Variants in NALCN observed in about 807,000 individuals in gnomAD.
NALCN encodes sodium leak channel, non-selective, also known as sodium leak channel NALCN.
A neutral mutation model predicts 225.3 loss-of-function variants in NALCN; 111 were observed. The ratio of observed to expected loss-of-function variants is 0.49; its 90% CI spans 0.42 to 0.58. The LOEUF is 0.58. NALCN is among the 20% of genes least tolerant of loss of function. The pLI, the probability that NALCN is intolerant of heterozygous loss-of-function variation, is 0.00. For missense variants in NALCN, 1,378 were observed against 2,202.4 expected (o/e 0.63, Z 7.49); for synonymous variants, 764 against 769.0 (o/e 0.99, Z 0.11).
intron 11 of NALCN, among the ~76,000 whole-genome samples, chr13:101,245,354 G>T (rs2041862958): frequency 1.3e-5 from 2 of 152,162 alleles, no homozygotes; most frequent in East Asian, 1.9e-4. Flanking sequence ...GAAAAGAAGA[G>T]AAATATTTAT....
At chr13:101,248,678 G>C (rs1240853841) in intron 11 of NALCN, among the ~76,000 whole-genome samples, 1 of 152,196 alleles carries the variant, frequency 6.6e-6, no homozygotes, top group Non-Finnish European at 1.5e-5. Flanking sequence ...CTGAGAGGGT[G>C]ATATGTCCTC....
chr13:101,242,135 A>G (rs72632686), intron 11 of NALCN, among the ~76,000 whole-genome samples: 2,484 of 106,192 alleles, frequency 0.023, 820 homozygotes, highest in East Asian at 0.15. Context: ...GCTTCCTATA[A>G]GCAGTGTACA....
At chr13:101,254,404 CA>C (rs2042155878) in intron 11 of NALCN, among the ~76,000 whole-genome samples, 1 of 117,848 alleles carries the variant, frequency 8.5e-6, no homozygotes, top group Non-Finnish European at 1.8e-5. Context: ...GAGACAAAAA[CA>C]ACAACAAAAA....
chr13:101,409,701 A>G (rs1447675752), intron 1 of NALCN, among the ~76,000 whole-genome samples: 1 of 152,210 alleles, frequency 6.6e-6, no homozygotes, highest in African/African-American at 2.4e-5. Flanking sequence ...TTGCTACTAT[A>G]TTTAAACATA....
chr13:101,250,684 G>C (rs559680942), intron 11 of NALCN, among the ~76,000 whole-genome samples: 1 of 151,944 alleles, frequency 6.6e-6, no homozygotes, highest in African/African-American at 2.4e-5. Flanking sequence ...GTATAGATAA[G>C]ACACAAAAAG....
intron 6 of NALCN, among the ~76,000 whole-genome samples, chr13:101,362,106 G>C (rs745722076): frequency 6.6e-6 from 1 of 151,866 alleles, no homozygotes; most frequent in Non-Finnish European, 1.5e-5. Flanking sequence ...GAGATATATA[G>C]ATAGTACTAA....
intron 7 of NALCN, among the ~76,000 whole-genome samples, chr13:101,320,812 T>A (rs1184392257): frequency 2.0e-5 from 3 of 152,168 alleles, no homozygotes; most frequent in African/African-American, 7.2e-5. Context: ...GGGATAGCTA[T>A]AAAATCTGCT....
At chr13:101,410,784 G>A (rs567305576) in intron 1 of NALCN, among the ~76,000 whole-genome samples, 9 of 152,206 alleles carry the variant, frequency 5.9e-5, no homozygotes, top group Non-Finnish European at 1.0e-4. Flanking sequence ...AGATAAAGCC[G>A]TAACAATTTC....
At chr13:101,304,293 G>T (rs1182410897) in intron 7 of NALCN, among the ~76,000 whole-genome samples, 1 of 151,654 alleles carries the variant, frequency 6.6e-6, no homozygotes, top group Non-Finnish European at 1.5e-5. Context: ...TAAGTTCTGG[G>T]ATACATGTGC....
intron 15 of NALCN, among the ~76,000 whole-genome samples, chr13:101,148,751 G>A (rs939063951): frequency 2.0e-5 from 3 of 152,180 alleles, no homozygotes; most frequent in Non-Finnish European, 4.4e-5. Flanking sequence ...TGATCAGGTG[G>A]CGGAACTCAA....
intron 7 of NALCN, among the ~76,000 whole-genome samples, chr13:101,323,087 A>G (rs988342023): frequency 7.2e-5 from 11 of 152,178 alleles, no homozygotes; most frequent in African/African-American, 2.7e-4. Flanking sequence ...AATCACTTCA[A>G]CAAAATAACA....
chr13:101,091,601 C>T, intron 28 of NALCN, among the ~76,000 whole-genome samples: 1 of 152,098 alleles, frequency 6.6e-6, no homozygotes, highest in East Asian at 1.9e-4. Flanking sequence ...CAAATATATT[C>T]TTTTGGATGC....
rs373221131 is a variant in NALCN at position 101,055,386 on chromosome 13, G to A, written c.5126C>T (p.Ala1709Val). Residue 1709 changes from alanine (A) to valine (V), a missense_variant, in exon 44 of 44, where the codon GCG becomes GTG. Ala to Val is a moderately conservative substitution (Grantham distance 64). Transcript: ENST00000251127. ...VVCKMNPMTD[A>V]ASCGSEVKKW... ...CTTAACTTCAGAACCGCAGGAAGCCGCGTCAGTCATGGGGTTCATTTTGCA... is the reference window on the plus strand; with the variant it reads ...CTTAACTTCAGAACCGCAGGAAGCCACGTCAGTCATGGGGTTCATTTTGCA... 12 of 1,614,000 alleles carry A rather than the reference G, an allele frequency of 7.4e-6. No individual in the cohort carries two copies. In the African/African-American group the frequency reaches 8.0e-5, roughly 11 times the overall value.
At position 101,104,256 on chromosome 13, in the gene NALCN, C is replaced by A; in HGVS notation, c.2889+39G>T. On this transcript the variant is annotated intron_variant, in intron 25 of 43. Transcript: ENST00000251127. The surrounding 1 kb of genome is among the most constrained non-coding windows in gnomAD (Gnocchi z 4.2). ...AAGAAATGCAGGAGATTTTACAAAA[C>A]CATTACATTTTTCATTTAGGCAATA... 2 of 1,562,716 alleles carry A rather than the reference C, an allele frequency of 1.3e-6. No homozygotes were observed. The highest frequency in any genetic ancestry group is 1.7e-6 in the Non-Finnish European group (2 of 1,158,604).
At chr13:101,078,715 A>G (rs1158307212) in intron 34 of NALCN, among the ~76,000 whole-genome samples, 5 of 152,210 alleles carry the variant, frequency 3.3e-5, no homozygotes, top group Admixed American at 3.3e-4. Flanking sequence ...TGGACTTTTA[A>G]GTTAATGCTG....
intron 34 of NALCN, among the ~76,000 whole-genome samples, chr13:101,079,604 C>T (rs1027342911): frequency 6.6e-6 from 1 of 152,182 alleles, no homozygotes; most frequent in Non-Finnish European, 1.5e-5. Context: ...TCATCATAGT[C>T]ATTATACTCA....
At chr13:101,091,202 T>A (rs1033344894) in intron 28 of NALCN, among the ~76,000 whole-genome samples, 2 of 151,694 alleles carry the variant, frequency 1.3e-5, no homozygotes, top group Non-Finnish European at 2.9e-5. Context: ...ATTTCTTGAA[T>A]TTAATGAAGA....
chr13:101,188,816 A>G (rs909125359), intron 14 of NALCN, among the ~76,000 whole-genome samples: 3 of 151,762 alleles, frequency 2.0e-5, no homozygotes, highest in Non-Finnish European at 2.9e-5. Context: ...TATCCTGAGT[A>G]GCTGGGCTTA....
intron 13 of NALCN, among the ~76,000 whole-genome samples, chr13:101,210,887 A>C (rs1355116547): frequency 6.6e-6 from 1 of 152,142 alleles, no homozygotes; most frequent in Non-Finnish European, 1.5e-5. Context: ...TGTTTTATTG[A>C]TAGGAAATTG....
Sources: gnomAD v4.1 joint callset for allele counts (sites outside exome capture counted in the v4.1 genomes callset) on GRCh38, gnomAD v4.1.1 for gene constraint, Gnocchi (gnomAD v3.1) non-coding constraint, MANE v1.5 for transcripts, NCBI Gene and HGNC (gene_info 2026-07-23, HGNC 2026-07-21) for gene names.